NTRK2: variants seen among roughly 807,000 people sequenced by gnomAD.
NTRK2 encodes the protein neurotrophic receptor tyrosine kinase 2.
Under a neutral mutation model 94.5 loss-of-function variants are expected in NTRK2, and 13 were observed. The observed-to-expected ratio is 0.14, with a 90% CI of 0.09 to 0.22. NTRK2 has a LOEUF of 0.22. Ranked by LOEUF, NTRK2 falls within the 10% of genes least tolerant of loss-of-function variation. The pLI is 1.00. For synonymous variants in NTRK2, 372 were observed against 407.4 expected (o/e 0.91, Z 1.05); for missense variants, 639 against 1,071.2 (o/e 0.60, Z 5.63).
intron 12 of NTRK2, among the ~76,000 whole-genome samples, chr9:84,841,686 G>A (rs745572912): frequency 2.0e-5 from 3 of 151,984 alleles, no homozygotes; most frequent in African/African-American, 4.8e-5. Context: ...AGACTGTCCC[G>A]GTCCCTCCTC....
chr9:84,715,319 T>C (rs1564111240), intron 6 of NTRK2, among the ~76,000 whole-genome samples: 1 of 152,228 alleles, frequency 6.6e-6, no homozygotes, highest in Non-Finnish European at 1.5e-5. Context: ...TTTATCTTGA[T>C]GGCATTTTTG....
intron 15 of NTRK2, 74 bp from the exon 16 acceptor site, chr9:84,948,388 A>T (rs921033953): frequency 1.4e-6 from 2 of 1,472,312 alleles, no homozygotes; most frequent in African/African-American, 2.8e-5. Context: ...CTAACAAATG[A>T]GATGGATGTC....
intron 2 of NTRK2, among the ~76,000 whole-genome samples, chr9:84,701,638 G>T (rs1003298248): frequency 6.6e-6 from 1 of 152,164 alleles, no homozygotes; most frequent in African/African-American, 2.4e-5. Flanking sequence ...AAAGGCAGAA[G>T]GAGGAGATGC....
intron 12 of NTRK2, among the ~76,000 whole-genome samples, chr9:84,770,427 A>G (rs188582722): frequency 1.3e-5 from 2 of 152,172 alleles, no homozygotes; most frequent in South Asian, 2.1e-4. Flanking sequence ...TGAAGTTGCA[A>G]TCTTGCCTGG....
At chr9:84,708,235 G>A (rs1463802260) in intron 5 of NTRK2, among the ~76,000 whole-genome samples, 3 of 152,184 alleles carry the variant, frequency 2.0e-5, no homozygotes. Flanking sequence ...ACGGCTGTAT[G>A]CTTTATATCT....
chr9:85,015,926 C>T (rs1400977014), intron 17 of NTRK2, among the ~76,000 whole-genome samples: 3 of 152,158 alleles, frequency 2.0e-5, no homozygotes, highest in Non-Finnish European at 2.9e-5. Context: ...CTAATGAATA[C>T]AGGATGTCCA....
rs546362315 is a variant in NTRK2, at chr9:84,684,987, A to AT, written c.212+14037dup. ...ATTAAGTTTTTTTCTAGTAAAGCTT[A>AT]TTTTTTTTTTCTATGTTGTAGGTGT... On this transcript the variant is annotated intron_variant, in intron 2 of 18. Transcript: ENST00000277120. 3.7e-4 allele frequency among the ~76,000 whole-genome samples: 55 copies of AT among 147,740 alleles called. No individual in the cohort carries two copies. The South Asian group carries it at 4.9e-3, about 13-fold the overall frequency.
intron 6 of NTRK2, among the ~76,000 whole-genome samples, chr9:84,716,932 T>G (rs1403239684): frequency 1.3e-5 from 2 of 152,194 alleles, no homozygotes; most frequent in Non-Finnish European, 2.9e-5. Flanking sequence ...AGCAATCACT[T>G]CTAAATAGGT....
At chr9:84,807,471 T>C (rs1028390036) in intron 12 of NTRK2, among the ~76,000 whole-genome samples, 2 of 152,218 alleles carry the variant, frequency 1.3e-5, no homozygotes, top group African/African-American at 4.8e-5. Context: ...ATAGCTCAGC[T>C]AGTGCGTGCA....
intron 12 of NTRK2, among the ~76,000 whole-genome samples, chr9:84,833,446 GA>G (rs549025221): frequency 1.1e-3 from 158 of 139,812 alleles, no homozygotes; most frequent in African/African-American, 3.8e-3. Flanking sequence ...AGAAAGGAAA[GA>G]AAAAAAGGAA....
intron 14 of NTRK2, chr9:84,876,201 A>T: frequency 9.6e-7 from 1 of 1,040,966 alleles, no homozygotes; most frequent in South Asian, 4.6e-5. Context: ...CTAAATTTCC[A>T]ATAAAGTGGT....
chr9:84,969,466 A>C (rs1352399522), intron 17 of NTRK2, among the ~76,000 whole-genome samples: 1 of 152,250 alleles, frequency 6.6e-6, no homozygotes, highest in Non-Finnish European at 1.5e-5. Flanking sequence ...TGCACCAAAT[A>C]ATGTTCTGCA....
intron 14 of NTRK2, among the ~76,000 whole-genome samples, chr9:84,929,723 G>A (rs142831721): frequency 2.9e-3 from 446 of 152,110 alleles, no homozygotes; most frequent in African/African-American, 0.01. Context: ...CACCATGTCC[G>A]TTTAATTTTT....
At chr9:84,807,830 CAAATTAATTTTTCAATATGTAGTGAAAT>C (rs1588736453) in intron 12 of NTRK2, among the ~76,000 whole-genome samples, 1 of 152,152 alleles carries the variant, frequency 6.6e-6, no homozygotes, top group East Asian at 1.9e-4. Flanking sequence ...CTCTTGAAAT[CAAATTAATTTTTCAATATGTAGTGAAAT>C]ATCTTTAGTC....
chr9:85,020,840 T>C (rs964803970), intron 18 of NTRK2, among the ~76,000 whole-genome samples: 1 of 152,202 alleles, frequency 6.6e-6, no homozygotes, highest in African/African-American at 2.4e-5. Flanking sequence ...TCAGGCACCG[T>C]ACATCTTTTT....
intron 12 of NTRK2, among the ~76,000 whole-genome samples, chr9:84,834,866 A>G (rs181735354): frequency 9.8e-5 from 15 of 152,332 alleles, no homozygotes; most frequent in Admixed American, 6.5e-4. Flanking sequence ...TATTTTATAA[A>G]TGAGGGGTCT....
chr9:84,849,388 A>C (rs1034974625), intron 12 of NTRK2, among the ~76,000 whole-genome samples: 10 of 152,148 alleles, frequency 6.6e-5, no homozygotes, highest in Admixed American at 3.9e-4. Flanking sequence ...AGCACCATGG[A>C]TCGGTGGGTG....
chr9:84,780,341 A>G (rs1182425740), intron 12 of NTRK2, among the ~76,000 whole-genome samples: 1 of 152,172 alleles, frequency 6.6e-6, no homozygotes, highest in Non-Finnish European at 1.5e-5. Flanking sequence ...TATGTCTCAG[A>G]AAACCTAAAA....
chr9:84,879,578 C>T (rs2076195405), intron 14 of NTRK2, among the ~76,000 whole-genome samples: 1 of 152,100 alleles, frequency 6.6e-6, no homozygotes, highest in Non-Finnish European at 1.5e-5. Flanking sequence ...AGATATTACT[C>T]TGTTTTACAG....
Sources: gnomAD v4.1 joint callset for allele counts (sites outside exome capture counted in the v4.1 genomes callset) on GRCh38, gnomAD v4.1.1 for gene constraint, MANE v1.5 for transcripts, NCBI Gene and HGNC (gene_info 2026-07-23, HGNC 2026-07-21) for gene names.